ZNF630: variants seen among roughly 807,000 people sequenced by gnomAD.
ZNF630 encodes zinc finger protein 630.
In ZNF630, 5 loss-of-function variants were observed where a neutral mutation model predicts 7.2. The observed-to-expected ratio is 0.70, with a 90% CI of 0.36 to 1.46. ZNF630 has a LOEUF of 1.46. ZNF630 is among the 40% of genes most tolerant of loss of function. ZNF630 has a pLI of 0.03. For missense variants in ZNF630, 461 were observed against 477.0 expected, an observed-to-expected ratio of 0.97 and a Z score of 0.31; for synonymous variants, 158 against 162.8, an observed-to-expected ratio of 0.97 and a Z score of 0.23.
intron 1 of ZNF630, among the ~76,000 whole-genome samples, chrX:48,069,841 G>GTTTTTTTTTTTTTTTTTTTTTTTTT (rs1210374790): frequency 1.9e-4 from 8 of 41,123 alleles, no homozygotes; most frequent in Non-Finnish European, 2.7e-4. Flanking sequence ...GACATTGTCT[G>GTTTTTTTTTTTTTTTTTTTTTTTTT]TTTTTTTTTT....
At position 48,058,434 on chromosome X, in the gene ZNF630, G is replaced by A. The variant is rs1556908163; in HGVS notation, c.*34C>T. On this transcript the variant is annotated 3_prime_UTR_variant, in exon 5 of 5. Coordinates refer to ENST00000276054, the MANE Select transcript of ZNF630 (RefSeq NM_001282201.2). ...CAATGTGAGTTTTCCCATAGACAATGAGGACTGACTTCTGGGAATAGGCCT... is the reference window on the plus strand; with the variant it reads ...CAATGTGAGTTTTCCCATAGACAATAAGGACTGACTTCTGGGAATAGGCCT... 17 of 1,133,319 alleles carry A rather than the reference G, an allele frequency of 1.5e-5. No homozygotes were observed. Among genetic ancestry groups the A allele is most frequent in the Non-Finnish European group, 2.0e-5 (17 of 856,362 alleles). 93.4% of individuals were successfully genotyped at this position (1,133,319 alleles called of 1,213,427 possible). A position where few individuals can be genotyped will look rare whatever the true frequency, so the allele number is the denominator to read the frequency against.
At chrX:48,069,270 C>CA (rs201225758) in intron 1 of ZNF630, among the ~76,000 whole-genome samples, 1,760 of 101,771 alleles carry the variant, frequency 0.017, 38 homozygotes, top group African/African-American at 0.059. Flanking sequence ...GAAAAGAAAA[C>CA]AAAAAAAAAA....
chrX:48,062,598 G>A (rs1556909362), intron 2 of ZNF630, among the ~76,000 whole-genome samples: 1 of 111,669 alleles, frequency 9.0e-6, no homozygotes, highest in South Asian at 3.7e-4. Flanking sequence ...GCCGAGCATG[G>A]TGGTGCATGC....
intron 2 of ZNF630, among the ~76,000 whole-genome samples, chrX:48,063,849 C>G (rs2146506032): frequency 9.0e-6 from 1 of 111,037 alleles, no homozygotes; most frequent in South Asian, 3.8e-4. Context: ...GATCATGCCA[C>G]TGCACTCCAA....
In ZNF630 at chrX:48,059,886, T is replaced by C. The variant is rs2059094363; in HGVS notation, c.556A>G (p.Lys186Glu). 8.3e-7 allele frequency: 1 copy of C among 1,208,159 alleles called. No individual in the cohort carries two copies. The highest frequency in any genetic ancestry group is 1.8e-5 in the South Asian group (1 of 56,887). ...TAATTTAGTAAGTCTGAATTAGACT[T>C]CAAGCTATTTTCACATGAATCAAAC... The part of the protein sequence containing the change: ...HKFDSCENSL[K>E]SNSDLLNYNR... The change falls in exon 5 of 5, where the codon AAG becomes GAG. Residue 186 changes from lysine to glutamate, a missense_variant. By Grantham distance (56) the Lys-to-Glu change is moderately conservative (BLOSUM62 1). Coordinates refer to ENST00000276054, the MANE Select transcript of ZNF630 (RefSeq NM_001282201.2).
chrX:48,059,006 C>T lies in ZNF630; in HGVS notation c.1436G>A (p.Arg479Lys), dbSNP rs1556908408. 8.3e-7 allele frequency: 1 copy of T among 1,206,774 alleles called. No individual in the cohort carries two copies. The highest frequency in any genetic ancestry group is 2.2e-5 in the Admixed American group (1 of 45,748). The change falls in exon 5 of 5, where the codon AGA becomes AAA. Residue 479 changes from arginine to lysine, a missense_variant. Coordinates refer to ENST00000276054, the MANE Select transcript of ZNF630 (RefSeq NM_001282201.2). Reference protein sequence around the residue: ...SQKSHLTGHQRLHTGEKPYMC... With the variant: ...SQKSHLTGHQKLHTGEKPYMC... ...ATAAGGTTTCTCTCCAGTATGAAGT[C>T]TTTGATGGCCAGTGAGGTGTGACTT...
At position 48,060,196 on chromosome X, in the gene ZNF630, C is replaced by T; in HGVS notation, c.246G>A (p.Val82=). Reference sequence around the variant, plus strand: ...TCTGCTGGGAAGATTCAAGGCCTTTCACTCTGTCTGAAGGAAGAAGAAAGA... The same window carrying T: ...TCTGCTGGGAAGATTCAAGGCCTTTTACTCTGTCTGAAGGAAGAAGAAAGA... ...ELSRWIYPDR[V]KGLESSQQII... is the part of the protein sequence containing the mutation. Residue 82 remains valine, a synonymous_variant, in exon 5 of 5, where the codon GTG becomes GTA. Transcript: ENST00000276054. The T allele has an allele frequency of 1.8e-6, 2 of 1,139,048 alleles. No homozygotes were observed. Among genetic ancestry groups the T allele is most frequent in the African/African-American group, 1.8e-5 (1 of 54,301 alleles). 93.9% of individuals were successfully genotyped at this position (1,139,048 alleles called of 1,213,427 possible). A position where few individuals can be genotyped will look rare whatever the true frequency, so the allele number is the denominator to read the frequency against.
rs782486496 is a variant in ZNF630 at position 48,057,957 on chromosome X, G to A, written c.*511C>T. Among the ~76,000 whole-genome samples, 2 of 110,572 alleles carry A rather than the reference G, an allele frequency of 1.8e-5. No homozygotes were observed. Among genetic ancestry groups the A allele is most frequent in the South Asian group, 3.8e-4 (1 of 2,615 alleles). ...TATAATCCCAGCTACTCGAGAGGGC[G>A]AGGCAGGACAATCGCTCAAACCTAG... is the stretch of plus-strand genomic sequence containing the variant. On this transcript the variant is annotated 3_prime_UTR_variant, in exon 5 of 5. Coordinates refer to ENST00000276054, the MANE Select transcript of ZNF630 (RefSeq NM_001282201.2).
At position 48,057,949 on chromosome X, in the gene ZNF630, G is replaced by A. The variant is rs985550666; in HGVS notation, c.*519C>T. Among the ~76,000 whole-genome samples the A allele has an allele frequency of 4.5e-5, 5 of 110,289 alleles. No individual in the cohort carries two copies. Among genetic ancestry groups the A allele is most frequent in the East Asian group, 2.8e-4 (1 of 3,525 alleles). ...TGCATGCCTATAATCCCAGCTACTC[G>A]AGAGGGCGAGGCAGGACAATCGCTC... On this transcript the variant is annotated 3_prime_UTR_variant, in exon 5 of 5. Coordinates refer to ENST00000276054, the MANE Select transcript of ZNF630 (RefSeq NM_001282201.2).
chrX:48,060,889 CT>C lies in ZNF630; in HGVS notation c.71del (p.Gln24ArgfsTer2). The C allele has an allele frequency of 8.3e-7, 1 of 1,206,276 alleles. No individual in the cohort carries two copies. Among genetic ancestry groups the C allele is most frequent in the Admixed American group, 2.2e-5 (1 of 45,829 alleles). On this transcript the variant is annotated frameshift_variant, in exon 3 of 5. Transcript: ENST00000276054. LOFTEE classifies it high-confidence loss of function. ...GCAGGGTCTTCTGAGCAGGATTCAA[CT>C]GCTGCCACTCTTCCTGCGTGAAGTC... Reference protein sequence around the residue: ...AVDFTQEEWQQLNPAQKTLHR... With the variant: ...AVDFTQEEWQXLNPAQKTLHR...
chrX:48,059,034 G>A lies in ZNF630; in HGVS notation c.1408C>T (p.Gln470Ter). Residue 470 changes from glutamine (Q) to a stop codon, truncating the protein, a stop_gained, in exon 5 of 5, where the codon CAG becomes TAG. Coordinates refer to ENST00000276054, the MANE Select transcript of ZNF630 (RefSeq NM_001282201.2). LOFTEE classifies it low-confidence loss of function (END_TRUNC). ...VCTDCGKAFS[Q>*]KSHLTGHQRL... ...TGATGGCCAGTGAGGTGTGACTTCT[G>A]GGAAAAGGCCTTCCCACAGTCAGTA... 8.3e-7 allele frequency: 1 copy of A among 1,207,878 alleles called. No individual in the cohort carries two copies.
chrX:48,060,722 T>C (rs2059101354), intron 3 of ZNF630, 97 bp downstream of exon 3: 4 of 993,013 alleles, frequency 4.0e-6, no homozygotes, highest in Admixed American at 3.8e-5. Flanking sequence ...AAGAACACAC[T>C]CTATTAAAGG....
chrX:48,059,168 T>C lies in ZNF630; in HGVS notation c.1274A>G (p.His425Arg), dbSNP rs143658070. The stretch of plus-strand genomic sequence containing the variant: ...ACACTTATAGGGCTTCTCTCCAGTA[T>C]GCGTTCTCTGATGTATAATGAGCTG... The part of the protein sequence containing the change: ...KTQLIIHQRT[H>R]TGEKPYKCGE... The change falls in exon 5 of 5, where the codon CAT becomes CGT. Residue 425 changes from histidine to arginine, a missense_variant. By Grantham distance (29) the His-to-Arg change is conservative. Transcript: ENST00000276054. 831 of 1,206,988 alleles carry C rather than the reference T, an allele frequency of 6.9e-4. 10 individuals carry two copies. The East Asian group carries it at 0.02, about 29-fold the overall frequency.
In ZNF630 at chrX:48,059,789, G is replaced by A. The variant is rs781841428; in HGVS notation, c.653C>T (p.Ser218Phe). Residue 218 changes from serine to phenylalanine, a missense_variant, in exon 5 of 5, where the codon TCC becomes TTC. Ser to Phe is a radical substitution (Grantham distance 155, BLOSUM62 -2). Coordinates refer to ENST00000276054, the MANE Select transcript of ZNF630 (RefSeq NM_001282201.2). Reference protein sequence around the residue: ...RCGRPPKYNASCSVPEKEGFI... With the variant: ...RCGRPPKYNAFCSVPEKEGFI... ...GCCTTCCTTCTCAGGCACAGAACAG[G>A]AAGCATTATACTTAGGTGGTCTCCC... is the stretch of plus-strand genomic sequence containing the variant. 8.3e-7 allele frequency: 1 copy of A among 1,208,698 alleles called. No individual in the cohort carries two copies. The highest frequency in any genetic ancestry group is 2.2e-5 in the Admixed American group (1 of 45,928).
chrX:48,066,949 C>A lies in ZNF630; in HGVS notation c.-63G>T. 8.8e-7 allele frequency: 1 copy of A among 1,132,801 alleles called. No homozygotes were observed. Among genetic ancestry groups the A allele is most frequent in the Non-Finnish European group, 1.2e-6 (1 of 827,767 alleles). 93.4% of individuals were successfully genotyped at this position (1,132,801 alleles called of 1,213,427 possible). The stretch of plus-strand genomic sequence containing the variant: ...GGGGTGCAGAAGAGTCTTCGGAGAT[C>A]AAGCTGAGTTAACCACTCTTCAACA... On this transcript the variant is annotated 5_prime_UTR_variant, in exon 2 of 5. Transcript: ENST00000276054.
chrX:48,064,963 C>A (rs1222398235), intron 2 of ZNF630, among the ~76,000 whole-genome samples: 1 of 111,739 alleles, frequency 8.9e-6, no homozygotes, highest in East Asian at 2.8e-4. Context: ...CAACAGGGGC[C>A]GTATGGCCCA....
intron 1 of ZNF630, among the ~76,000 whole-genome samples, chrX:48,069,235 T>C (rs1298957129): frequency 4.9e-5 from 5 of 102,773 alleles, no homozygotes; most frequent in African/African-American, 1.5e-4. Flanking sequence ...AATGAGACCC[T>C]GTCAAAGAAA....
rs1231999837 is a variant in ZNF630 at position 48,069,275 on chromosome X, A to C, written c.-176+1992T>G. Reference sequence around the variant, plus strand: ...AAAAGGAAAAGAAAAGAAAACAAAAAAAAAATACCATGTAGATCACACATT... The same window carrying C: ...AAAAGGAAAAGAAAAGAAAACAAAACAAAAATACCATGTAGATCACACATT... On this transcript the variant is annotated intron_variant, in intron 1 of 4. Coordinates refer to ENST00000276054, the MANE Select transcript of ZNF630 (RefSeq NM_001282201.2). Among the ~76,000 whole-genome samples, 9 of 110,223 alleles carry C rather than the reference A, an allele frequency of 8.2e-5. 1 individual carries two copies. Among genetic ancestry groups the C allele is most frequent in the African/African-American group, 3.0e-4 (9 of 30,144 alleles).
Position 48,060,838 on chromosome X carries a change from A to G in ZNF630, c.123T>C (p.Tyr41=), listed in dbSNP as rs1387841702. 2 of 1,201,516 alleles carry G rather than the reference A, an allele frequency of 1.7e-6. No homozygotes were observed. The highest frequency in any genetic ancestry group is 4.4e-5 in the Admixed American group (2 of 45,260). ...TLHRDVMLET[Y]NHLVSVGCSG... is the part of the protein sequence containing the mutation. ...CCTTACCCACGGAGACCAGGTGATTATAGGTCTCCAGCATCACATCCCTAT... is the reference window on the plus strand; with the variant it reads ...CCTTACCCACGGAGACCAGGTGATTGTAGGTCTCCAGCATCACATCCCTAT... The change falls in exon 3 of 5, where the codon TAT becomes TAC. Residue 41 remains tyrosine, a synonymous_variant. Transcript: ENST00000276054.
Sources: gnomAD v4.1 joint callset for allele counts (sites outside exome capture counted in the v4.1 genomes callset) on GRCh38, gnomAD v4.1.1 for gene constraint, MANE v1.5 for transcripts, NCBI Gene and HGNC (gene_info 2026-07-23, HGNC 2026-07-21) for gene names.